Variants in HIC2 observed in about 807,000 individuals in gnomAD.
HIC2 encodes hypermethylated in cancer 2 protein.
HIC2 carries 2 observed loss-of-function variants against 39.5 expected under a neutral mutation model. That is an observed-to-expected ratio of 0.05 (90% CI 0.02 to 0.16). The LOEUF is 0.16. Ranked by LOEUF, HIC2 falls within the 10% of genes least tolerant of loss-of-function variation. The pLI, the probability that HIC2 is intolerant of heterozygous loss-of-function variation, is 1.00. For synonymous variants in HIC2, 399 were observed against 368.8 expected (o/e 1.08, Z -0.94); for missense variants, 713 against 863.5 (o/e 0.83, Z 2.18).
intron 2 of HIC2, among the ~76,000 whole-genome samples, chr22:21,443,742 T>C (rs1381914537): frequency 1.3e-5 from 2 of 152,172 alleles, no homozygotes; most frequent in African/African-American, 4.8e-5. Flanking sequence ...TGAGCCATTC[T>C]CTGAGGGACT....
chr22:21,432,883 G>C (rs1435573844), intron 1 of HIC2, among the ~76,000 whole-genome samples: 1 of 23,204 alleles, frequency 4.3e-5, no homozygotes, highest in Non-Finnish European at 7.5e-5. Flanking sequence ...GTTGCCAGCT[G>C]TCCTGCCAAT....
At chr22:21,441,279 G>GC (rs1195291219) in intron 1 of HIC2, among the ~76,000 whole-genome samples, 2 of 150,276 alleles carry the variant, frequency 1.3e-5, no homozygotes, top group Non-Finnish European at 3.0e-5. Context: ...GAGGAGCCCT[G>GC]CCCTGTTCTA....
rs993912683 is a variant in HIC2, at chr22:21,447,472, C to T, written c.*729C>T. On this transcript the variant is annotated 3_prime_UTR_variant, in exon 3 of 3. Coordinates refer to ENST00000407464, the MANE Select transcript of HIC2 (RefSeq NM_015094.3). ...AATGTAACAGGGGCCGCTGGCACTCCTGCGCGTCCCCCGGCTCTGGCGCTG... is the reference window on the plus strand; with the variant it reads ...AATGTAACAGGGGCCGCTGGCACTCTTGCGCGTCCCCCGGCTCTGGCGCTG... 6.5e-6 allele frequency: 1 copy of T among 152,692 alleles called. No individual in the cohort carries two copies. The highest frequency in any genetic ancestry group is 1.5e-5 in the Non-Finnish European group (1 of 68,044). 9.5% of individuals were successfully genotyped at this position (152,692 alleles called of 1,614,324 possible). A position where few individuals can be genotyped will look rare whatever the true frequency, so the allele number is the denominator to read the frequency against.
At position 21,448,131 on chromosome 22, in the gene HIC2, G is replaced by A. The variant is rs551709775; in HGVS notation, c.*1388G>A. 1.3e-5 allele frequency: 2 copies of A among 152,422 alleles called. No homozygotes were observed. The highest frequency in any genetic ancestry group is 2.9e-5 in the Non-Finnish European group (2 of 68,042). 9.4% of individuals were successfully genotyped at this position (152,422 alleles called of 1,614,324 possible). On this transcript the variant is annotated 3_prime_UTR_variant, in exon 3 of 3. Transcript: ENST00000407464. The stretch of plus-strand genomic sequence containing the variant: ...CACAAACCTCTGTGGTATAGGTGAG[G>A]GGTGTGAGGCCCCAGCCTGGAGCCA...
rs1280487102 is a variant in HIC2 at position 21,445,862 on chromosome 22, G to A, written c.967G>A (p.Gly323Ser). Residue 323 changes from glycine to serine, a missense_variant, in exon 3 of 3, where the codon GGT (glycine) becomes AGT (serine). By Grantham distance (56) the Gly-to-Ser change is moderately conservative. Around this residue, in one of 5 missense-constraint regions of HIC2, gnomAD observed 457 missense variants for 420.2 expected, o/e 1.09. Transcript: ENST00000407464. Reference protein sequence around the residue: ...DNHLSLLEAPGGQPRKSLRHS... With the variant: ...DNHLSLLEAPSGQPRKSLRHS... Reference sequence around the variant, plus strand: ...CCACCTGAGCCTGCTGGAGGCGCCTGGTGGGCAGCCTCGGAAGAGCCTCCG... The same window carrying A: ...CCACCTGAGCCTGCTGGAGGCGCCTAGTGGGCAGCCTCGGAAGAGCCTCCG... 1 of 1,596,528 alleles carries A rather than the reference G, an allele frequency of 6.3e-7. No individual in the cohort carries two copies. Among genetic ancestry groups the A allele is most frequent in the South Asian group, 1.1e-5 (1 of 89,344 alleles).
Position 21,445,132 on chromosome 22 carries a change from C to T in HIC2, c.237C>T (p.Asn79=), listed in dbSNP as rs1401251957. The part of the protein sequence containing the change: ...IYFKSLVLHD[N]LINLDTDMVS... ...TCAAGTCCCTGGTCCTGCACGACAACCTCATCAACCTGGACACAGACATGG... is the reference window on the plus strand; with the variant it reads ...TCAAGTCCCTGGTCCTGCACGACAATCTCATCAACCTGGACACAGACATGG... Residue 79 remains asparagine (N), a synonymous_variant, in exon 3 of 3, where the codon AAC becomes AAT. Coordinates refer to ENST00000407464, the MANE Select transcript of HIC2 (RefSeq NM_015094.3). The T allele has an allele frequency of 4.3e-6, 7 of 1,614,224 alleles. No homozygotes were observed. The highest frequency in any genetic ancestry group is 5.1e-6 in the Non-Finnish European group (6 of 1,180,042).
In HIC2 at chr22:21,446,217, T is replaced by C; in HGVS notation, c.1322T>C (p.Leu441Ser). 1.2e-6 allele frequency: 2 copies of C among 1,612,416 alleles called. No homozygotes were observed. Among genetic ancestry groups the C allele is most frequent in the Non-Finnish European group, 1.7e-6 (2 of 1,180,000 alleles). The change falls in exon 3 of 3, where the codon TTG becomes TCG. Residue 441 changes from leucine to serine, a missense_variant. Physicochemically the swap from Leu to Ser is moderately radical, Grantham distance 145. Around this residue, in one of 5 missense-constraint regions of HIC2, gnomAD observed 457 missense variants for 420.2 expected, o/e 1.09. Transcript: ENST00000407464. ...GAGACGGTGTCCTACGGGGACAACT[T>C]GTATGTGTGCATTCCCTGCGCCAAG... ...GYETVSYGDNLYVCIPCAKGF... is the reference protein window; with the variant it reads ...GYETVSYGDNSYVCIPCAKGF...
chr22:21,445,313 A>G lies in HIC2; in HGVS notation c.418A>G (p.Lys140Glu). ...ELAALCRRKL[K>E]RAGKPFGSGR... ...GGCAGCCCTCTGCCGCCGCAAACTC[A>G]AGCGAGCCGGCAAGCCCTTTGGCTC... is the stretch of plus-strand genomic sequence containing the variant. Residue 140 changes from lysine to glutamate, a missense_variant, in exon 3 of 3, where the codon AAG becomes GAG. Lys to Glu is a moderately conservative substitution (Grantham distance 56, BLOSUM62 1). Coordinates refer to ENST00000407464, the MANE Select transcript of HIC2 (RefSeq NM_015094.3). 1 of 1,603,752 alleles carries G rather than the reference A, an allele frequency of 6.2e-7. No homozygotes were observed. The highest frequency in any genetic ancestry group is 8.5e-7 in the Non-Finnish European group (1 of 1,175,210).
chr22:21,447,871 C>G lies in HIC2; in HGVS notation c.*1128C>G, dbSNP rs1923950086. On this transcript the variant is annotated 3_prime_UTR_variant, in exon 3 of 3. Coordinates refer to ENST00000407464, the MANE Select transcript of HIC2 (RefSeq NM_015094.3). ...ATGTTTCGCTTTCCCTCCTTCCTCGCTGAACAAGGTGGAGACTTCTGACCT... is the reference window on the plus strand; with the variant it reads ...ATGTTTCGCTTTCCCTCCTTCCTCGGTGAACAAGGTGGAGACTTCTGACCT... The G allele has an allele frequency of 6.5e-6, 1 of 152,828 alleles. No homozygotes were observed. The highest frequency in any genetic ancestry group is 2.1e-4 in the South Asian group (1 of 4,836). 9.5% of individuals were successfully genotyped at this position (152,828 alleles called of 1,614,324 possible). A position where few individuals can be genotyped will look rare whatever the true frequency, so the allele number is the denominator to read the frequency against.
At position 21,444,959 on chromosome 22, in the gene HIC2, G is replaced by A. The variant is rs1355534665; in HGVS notation, c.64G>A (p.Asp22Asn). Reference protein sequence around the residue: ...AWAGRGDMGPDMELPSHSKQL... With the variant: ...AWAGRGDMGPNMELPSHSKQL... ...GGCAGGGCGCGGGGACATGGGGCCC[G>A]ACATGGAGCTGCCCAGCCACTCGAA... The change falls in exon 3 of 3, where the codon GAC (aspartate) becomes AAC (asparagine). Residue 22 changes from aspartate to asparagine, a missense_variant. Physicochemically the swap from Asp to Asn is conservative, Grantham distance 23 (BLOSUM62 1). Around this residue, in one of 5 missense-constraint regions of HIC2, gnomAD observed 102 missense variants for 187.1 expected, o/e 0.55. Transcript: ENST00000407464. The A allele has an allele frequency of 4.3e-6, 7 of 1,613,126 alleles. No homozygotes were observed. Among genetic ancestry groups the A allele is most frequent in the Admixed American group, 1.7e-5 (1 of 60,004 alleles).
At position 21,446,575 on chromosome 22, in the gene HIC2, C is replaced by A; in HGVS notation, c.1680C>A (p.Pro560=). ...RHMRSHLGLK[P]FACDECGMRF... is the part of the protein sequence containing the mutation. ...TGCGGAGCCACCTGGGCCTGAAGCC[C>A]TTCGCCTGCGATGAGTGTGGCATGC... The change falls in exon 3 of 3, where the codon CCC becomes CCA. Residue 560 remains proline (P), a synonymous_variant. Transcript: ENST00000407464. The A allele has an allele frequency of 6.2e-7, 1 of 1,613,578 alleles. No individual in the cohort carries two copies. The highest frequency in any genetic ancestry group is 1.6e-4 in the Middle Eastern group (1 of 6,062).
chr22:21,446,814 T>G lies in HIC2; in HGVS notation c.*71T>G. The G allele has an allele frequency of 6.5e-7, 1 of 1,537,908 alleles. No homozygotes were observed. The highest frequency in any genetic ancestry group is 8.7e-7 in the Non-Finnish European group (1 of 1,143,222). ...ACCCATGGAAGGAGAAGCGAGGTGA[T>G]GCAGCAGCAGGGGCAAGACCCTGGG... On this transcript the variant is annotated 3_prime_UTR_variant, in exon 3 of 3. Coordinates refer to ENST00000407464, the MANE Select transcript of HIC2 (RefSeq NM_015094.3).
intron 1 of HIC2, among the ~76,000 whole-genome samples, chr22:21,430,831 A>G (rs1601325766): frequency 2.5e-5 from 2 of 79,784 alleles, no homozygotes; most frequent in Non-Finnish European, 4.5e-5. Flanking sequence ...AGATTGTGTC[A>G]CTGCACTCCA....
chr22:21,443,605 G>A (rs975897255), intron 2 of HIC2, among the ~76,000 whole-genome samples: 1 of 152,112 alleles, frequency 6.6e-6, no homozygotes, highest in African/African-American at 2.4e-5. Context: ...CCCGCTGCTC[G>A]GTTGTCCGTC....
At position 21,449,311 on chromosome 22, in the gene HIC2, C is replaced by T. The variant is rs1924036172; in HGVS notation, c.*2568C>T. The stretch of plus-strand genomic sequence containing the variant: ...ACAAGGAAACTGGGTTATTGGAGGC[C>T]AAGGCGGCTTACAGTTCTCTGCGTT... On this transcript the variant is annotated 3_prime_UTR_variant, in exon 3 of 3. Coordinates refer to ENST00000407464, the MANE Select transcript of HIC2 (RefSeq NM_015094.3). 1 of 152,456 alleles carries T rather than the reference C, an allele frequency of 6.6e-6. No individual in the cohort carries two copies. Among genetic ancestry groups the T allele is most frequent in the African/African-American group, 2.4e-5 (1 of 41,312 alleles). The allele number at this position is 152,456 out of a possible 1,614,324, so 9.4% of individuals were successfully genotyped here. A position where few individuals can be genotyped will look rare whatever the true frequency, so the allele number is the denominator to read the frequency against.
rs1010168872 is a variant in HIC2, at chr22:21,450,201, G to A, written c.*3458G>A. The A allele has an allele frequency of 6.6e-6, 1 of 150,582 alleles. No individual in the cohort carries two copies. Among genetic ancestry groups the A allele is most frequent in the African/African-American group, 2.5e-5 (1 of 40,524 alleles). 9.3% of individuals were successfully genotyped at this position (150,582 alleles called of 1,614,324 possible). ...CCACTGCATGCTCCCGCCGGACCGA[G>A]CCCCAGCAAGGGCTCCTCCAGGATT... On this transcript the variant is annotated 3_prime_UTR_variant, in exon 3 of 3. Transcript: ENST00000407464.
In HIC2 at chr22:21,417,576, G is replaced by C. The variant is rs1434832309; in HGVS notation, c.-74+16G>C. 2 of 147,442 alleles carry C rather than the reference G, an allele frequency of 1.4e-5. No individual in the cohort carries two copies. The highest frequency in any genetic ancestry group is 1.9e-4 in the South Asian group (1 of 5,372). 9.1% of individuals were successfully genotyped at this position (147,442 alleles called of 1,614,324 possible). On this transcript the variant is annotated intron_variant, in intron 1 of 2. Transcript: ENST00000407464. ...CGCACACGAGGTGAGGGGCGGCCTT[G>C]TGGGGCGGGGGGCGCGGGGAGCGGG...
chr22:21,445,541 C>A lies in HIC2; in HGVS notation c.646C>A (p.Arg216=). ...CCAGGATAGCGTGCAAGGTCTGGGC[C>A]GGGCTGTCTGCCCAGCTGGCGGGGA... is the stretch of plus-strand genomic sequence containing the variant. ...SNQDSVQGLG[R]AVCPAGGEAG... The change falls in exon 3 of 3, where the codon CGG becomes AGG. Residue 216 remains arginine, a synonymous_variant. Coordinates refer to ENST00000407464, the MANE Select transcript of HIC2 (RefSeq NM_015094.3). The A allele has an allele frequency of 6.2e-7, 1 of 1,600,792 alleles. No homozygotes were observed.
rs113095982 is a variant in HIC2 at position 21,430,783 on chromosome 22, G to A, written c.-73-11976G>A. 2.3e-4 allele frequency among the ~76,000 whole-genome samples: 8 copies of A among 34,676 alleles called. 1 individual carries two copies. The highest frequency in any genetic ancestry group is 3.8e-4 in the Admixed American group (1 of 2,664). 22.7% of individuals were successfully genotyped at this position (34,676 alleles called of 152,430 possible). On this transcript the variant is annotated intron_variant, in intron 1 of 2. Transcript: ENST00000407464. ...CTACTCGGGAGGCTGAGGCAGGACA[G>A]TCGCTTGAACCCGGGCAGCAGAGGT...
Sources: allele counts gnomAD v4.1 joint callset (sites outside exome capture counted in the v4.1 genomes callset), GRCh38; gene constraint gnomAD v4.1.1; regional missense constraint gnomAD v4.1.1; transcripts MANE v1.5; gene names NCBI Gene and HGNC (gene_info 2026-07-23, HGNC 2026-07-21).